RNLS: variants seen among roughly 807,000 people sequenced by gnomAD.
The protein encoded by RNLS is renalase, FAD dependent amine oxidase.
RNLS carries 39 observed loss-of-function variants against 39.8 expected under a neutral mutation model. The ratio of observed to expected loss-of-function variants is 0.98; its 90% CI spans 0.76 to 1.28. RNLS has a LOEUF of 1.28. Ranked by LOEUF, RNLS falls within the 50% of genes most tolerant of loss-of-function variation. The pLI is 0.00. For missense variants in RNLS, 410 were observed against 413.3 expected, an observed-to-expected ratio of 0.99 and a Z score of 0.07; for synonymous variants, 147 against 150.7, an observed-to-expected ratio of 0.98 and a Z score of 0.18.
chr10:88,195,999 G>A, the RNLS span, among the ~76,000 whole-genome samples: 1 of 152,142 alleles, frequency 6.6e-6, no homozygotes, highest in Non-Finnish European at 1.5e-5. Context: ...TATTTGTCAT[G>A]CAGTTAGGAT....
At chr10:88,454,386 G>T (rs775038917) in intron 4 of RNLS, among the ~76,000 whole-genome samples, 4 of 152,138 alleles carry the variant, frequency 2.6e-5, no homozygotes, top group Non-Finnish European at 5.9e-5. Context: ...GGTAGTTGCT[G>T]TATCCATGTC....
intron 1 of RNLS, among the ~76,000 whole-genome samples, chr10:88,582,785 C>A (rs1344238102): frequency 1.3e-5 from 2 of 152,226 alleles, no homozygotes; most frequent in African/African-American, 2.4e-5. Flanking sequence ...GTCGGGGCCC[C>A]TCCCACGCCG....
At chr10:88,327,612 T>C (rs1399815923) in intron 5 of RNLS, among the ~76,000 whole-genome samples, 2 of 152,244 alleles carry the variant, frequency 1.3e-5, no homozygotes, top group Non-Finnish European at 2.9e-5. Context: ...AAGTTCATTA[T>C]AGCAGAGTGA....
intron 4 of RNLS, among the ~76,000 whole-genome samples, chr10:88,508,112 C>T (rs1169015858): frequency 6.6e-6 from 1 of 152,146 alleles, no homozygotes; most frequent in Non-Finnish European, 1.5e-5. Context: ...ATCCTGTCTT[C>T]AGTTGCCAAC....
intron 4 of RNLS, among the ~76,000 whole-genome samples, chr10:88,533,885 T>C (rs575541354): frequency 5.9e-5 from 9 of 152,184 alleles, no homozygotes; most frequent in African/African-American, 2.2e-4. Context: ...ATTTGAAATC[T>C]TCAGCACGGA....
chr10:88,332,292 A>C (rs1453345168), intron 5 of RNLS, among the ~76,000 whole-genome samples: 1 of 152,256 alleles, frequency 6.6e-6, no homozygotes, highest in Non-Finnish European at 1.5e-5. Flanking sequence ...ATAATCATTC[A>C]ACACAATTTT....
At chr10:88,282,366 G>A (rs181223309), downstream of RNLS, among the ~76,000 whole-genome samples, 5 of 152,088 alleles carry the variant, frequency 3.3e-5, no homozygotes, top group South Asian at 4.2e-4. Flanking sequence ...ATAACATTAC[G>A]TGACCCTGGT....
rs114521931 is a variant in RNLS at position 88,460,886 on chromosome 10, T to C, written c.527-98161A>G. Among the ~76,000 whole-genome samples, 1,119 of 152,204 alleles carry C rather than the reference T, an allele frequency of 7.4e-3. 14 individuals carry two copies. The highest frequency in any genetic ancestry group is 0.025 in the African/African-American group (1,053 of 41,528). On this transcript the variant is annotated intron_variant, in intron 4 of 6. Coordinates refer to ENST00000331772, the MANE Select transcript of RNLS (RefSeq NM_001031709.3). ...GAAAGCTGACTTTGCTCCTGCTCTG[T>C]AGCAAAAGGACTTGGACTGTTTCTC...
At chr10:88,433,048 T>C (rs762854733) in intron 4 of RNLS, among the ~76,000 whole-genome samples, 1 of 152,064 alleles carries the variant, frequency 6.6e-6, no homozygotes, top group African/African-American at 2.4e-5. Context: ...TTAAAATAAC[T>C]GACTAAAAAG....
chr10:88,186,031 C>T, the RNLS span, among the ~76,000 whole-genome samples: 3 of 151,882 alleles, frequency 2.0e-5, no homozygotes, highest in African/African-American at 4.8e-5. Flanking sequence ...GAAGCAAGTT[C>T]GGAGATTATG....
chr10:88,365,514 ATAACACACAC>A (rs1210362852), intron 4 of RNLS, among the ~76,000 whole-genome samples: 1 of 90,780 alleles, frequency 1.1e-5, no homozygotes, highest in African/African-American at 5.1e-5. Context: ...ATAGGATTAT[ATAACACACAC>A]ACACACACAC....
chr10:88,549,870 A>G (rs1355930593), intron 4 of RNLS, among the ~76,000 whole-genome samples: 3 of 152,240 alleles, frequency 2.0e-5, no homozygotes, highest in African/African-American at 7.2e-5. Flanking sequence ...TTCTCCATGT[A>G]TAAAATATTA....
intron 4 of RNLS, among the ~76,000 whole-genome samples, chr10:88,418,148 C>G (rs1028327229): frequency 6.7e-6 from 1 of 150,156 alleles, no homozygotes; most frequent in Non-Finnish European, 1.5e-5. Flanking sequence ...TTTGCCTCAT[C>G]GAAGCTAAAG....
chr10:88,426,429 C>T (rs557548198), intron 4 of RNLS, among the ~76,000 whole-genome samples: 4 of 151,996 alleles, frequency 2.6e-5, no homozygotes, highest in Admixed American at 6.6e-5. Flanking sequence ...AGAAAACATT[C>T]CCCCCAATTC....
the RNLS span, among the ~76,000 whole-genome samples, chr10:88,228,782 C>T: frequency 1.3e-5 from 2 of 152,210 alleles, no homozygotes; most frequent in African/African-American, 2.4e-5. Flanking sequence ...CAAACTTTAT[C>T]TCGTTTCTTC....
At chr10:88,402,250 T>G (rs1852969742) in intron 4 of RNLS, among the ~76,000 whole-genome samples, 1 of 151,974 alleles carries the variant, frequency 6.6e-6, no homozygotes, top group Non-Finnish European at 1.5e-5. Flanking sequence ...ACAAAGGCAT[T>G]ATAAGACAAA....
the RNLS span, among the ~76,000 whole-genome samples, chr10:88,258,456 CTTAGCT>C: frequency 6.6e-6 from 1 of 152,182 alleles, no homozygotes; most frequent in African/African-American, 2.4e-5. Flanking sequence ...GTTAATTTCT[CTTAGCT>C]TTAGTTTTCC....
the RNLS span, among the ~76,000 whole-genome samples, chr10:88,171,901 A>G: frequency 6.6e-6 from 1 of 152,116 alleles, no homozygotes; most frequent in Non-Finnish European, 1.5e-5. Context: ...CTGTGTGCTT[A>G]ACTTCATATG....
chr10:88,414,776 C>T (rs923821097), intron 4 of RNLS, among the ~76,000 whole-genome samples: 1 of 152,142 alleles, frequency 6.6e-6, no homozygotes, highest in African/African-American at 2.4e-5. Context: ...ATTTAGTTAA[C>T]CAAAATTGTT....
Sources: gnomAD v4.1 joint callset for allele counts (sites outside exome capture counted in the v4.1 genomes callset) on GRCh38, gnomAD v4.1.1 for gene constraint, MANE v1.5 for transcripts, NCBI Gene and HGNC (gene_info 2026-07-23, HGNC 2026-07-21) for gene names.